Variants in CEMIP observed in about 807,000 individuals in gnomAD.
CEMIP encodes the protein cell migration-inducing and hyaluronan-binding protein.
In CEMIP, 105 loss-of-function variants were observed where a neutral mutation model predicts 156.9. The ratio of observed to expected loss-of-function variants is 0.67; its 90% CI spans 0.57 to 0.79. CEMIP has a LOEUF of 0.79. Among genes scored for constraint, CEMIP ranks in the 30% least tolerant of loss-of-function variants. The pLI is 0.00. For synonymous variants in CEMIP, 676 were observed against 668.4 expected, an observed-to-expected ratio of 1.01 and a Z score of -0.17; for missense variants, 1,457 against 1,769.4, an observed-to-expected ratio of 0.82 and a Z score of 3.17.
intron 25 of CEMIP, chr15:80,938,193 T>C (rs1901207314): frequency 5.5e-6 from 3 of 544,102 alleles, no homozygotes; most frequent in African/African-American, 3.8e-5. Flanking sequence ...CTATTAAATA[T>C]ACATGTGAAT....
chr15:80,900,144 T>C (rs1899412869), intron 12 of CEMIP, among the ~76,000 whole-genome samples: 1 of 152,200 alleles, frequency 6.6e-6, no homozygotes, highest in Admixed American at 6.5e-5. Context: ...GAGCAGGTCC[T>C]GACAAGGCAG....
At chr15:80,871,101 GGC>G (rs1212523866) in intron 1 of CEMIP, among the ~76,000 whole-genome samples, 2 of 152,200 alleles carry the variant, frequency 1.3e-5, no homozygotes, top group Admixed American at 6.5e-5. Flanking sequence ...AGCTTTTAAT[GGC>G]CAATGGAGAA....
intron 14 of CEMIP, among the ~76,000 whole-genome samples, chr15:80,911,204 G>A (rs935509212): frequency 1.4e-4 from 21 of 152,194 alleles, no homozygotes; most frequent in Non-Finnish European, 1.0e-4. Context: ...GCAGGTCTCA[G>A]GTCTGTCCTG....
intron 4 of CEMIP, among the ~76,000 whole-genome samples, chr15:80,879,225 C>G (rs1282987155): frequency 6.6e-6 from 1 of 152,188 alleles, no homozygotes; most frequent in Non-Finnish European, 1.5e-5. Context: ...AAAGTAATTA[C>G]AGCCAGCCAT....
intron 1 of CEMIP, among the ~76,000 whole-genome samples, chr15:80,830,621 GT>G (rs1203402099): frequency 2.0e-5 from 3 of 151,932 alleles, no homozygotes; most frequent in Non-Finnish European, 2.9e-5. Context: ...TTGTGTTTTT[GT>G]TTTTTTTAAG....
chr15:80,834,844 A>G (rs971060904), intron 1 of CEMIP, among the ~76,000 whole-genome samples: 6 of 151,738 alleles, frequency 4.0e-5, no homozygotes, highest in Non-Finnish European at 5.9e-5. Flanking sequence ...ATCAGTTTGG[A>G]AAAAAAACCA....
intron 23 of CEMIP, among the ~76,000 whole-genome samples, chr15:80,935,808 G>A (rs1901099305): frequency 6.6e-6 from 1 of 152,036 alleles, no homozygotes; most frequent in East Asian, 1.9e-4. Context: ...GCGTGATCTC[G>A]GCTCACTGCA....
At chr15:80,877,447 T>C (rs561815295) in intron 3 of CEMIP, among the ~76,000 whole-genome samples, 3 of 152,276 alleles carry the variant, frequency 2.0e-5, no homozygotes, top group African/African-American at 7.2e-5. Context: ...TCCCACCTCC[T>C]CACCCCCAAC....
At chr15:80,850,135 G>A (rs1897678103) in intron 1 of CEMIP, among the ~76,000 whole-genome samples, 1 of 152,196 alleles carries the variant, frequency 6.6e-6, no homozygotes, top group Non-Finnish European at 1.5e-5. Flanking sequence ...GCAGGTAAAT[G>A]TCAGGGTCAG....
chr15:80,894,270 G>A (rs552000271), intron 10 of CEMIP, among the ~76,000 whole-genome samples: 103 of 152,342 alleles, frequency 6.8e-4, no homozygotes, highest in African/African-American at 2.5e-3. Flanking sequence ...GTGTTGTGAT[G>A]TAGTTACATA....
rs1278409336 is a variant in CEMIP at position 80,931,969 on chromosome 15, T to A, written c.2723T>A (p.Phe908Tyr). The stretch of plus-strand genomic sequence containing the variant: ...GGCCGGCACACCAGCGCCCTGGCCT[T>A]CCGCCTGAATAATGCCTGGCAGAGC... The part of the protein sequence containing the change: ...LEGRHTSALA[F>Y]RLNNAWQSCP... Residue 908 changes from phenylalanine (F) to tyrosine (Y), a missense_variant, in exon 22 of 30, where the codon TTC (phenylalanine) becomes TAC (tyrosine). By Grantham distance (22) the Phe-to-Tyr change is conservative. Coordinates refer to ENST00000394685, the MANE Select transcript of CEMIP (RefSeq NM_001293298.2). The A allele has an allele frequency of 6.2e-7, 1 of 1,614,234 alleles. No individual in the cohort carries two copies.
intron 1 of CEMIP, among the ~76,000 whole-genome samples, chr15:80,855,561 G>A (rs1897832527): frequency 6.6e-6 from 1 of 151,524 alleles, no homozygotes; most frequent in South Asian, 2.1e-4. Context: ...AGGCTGGAGT[G>A]CAGTGGCACG....
At chr15:80,882,932 G>A (rs986842609) in intron 6 of CEMIP, among the ~76,000 whole-genome samples, 1 of 152,124 alleles carries the variant, frequency 6.6e-6, no homozygotes, top group African/African-American at 2.4e-5. Flanking sequence ...GGGCGGGTGA[G>A]GTGGTCACTG....
chr15:80,833,476 C>T (rs1708019220), intron 1 of CEMIP, among the ~76,000 whole-genome samples: 2 of 152,060 alleles, frequency 1.3e-5, no homozygotes, highest in Admixed American at 6.5e-5. Context: ...AAATTTTTTT[C>T]CTCCAAAGGA....
At chr15:80,858,500 G>C (rs548853415) in intron 1 of CEMIP, among the ~76,000 whole-genome samples, 1 of 151,720 alleles carries the variant, frequency 6.6e-6, no homozygotes. Flanking sequence ...GATCACCTGA[G>C]GTCAGGAGTT....
intron 1 of CEMIP, among the ~76,000 whole-genome samples, chr15:80,834,061 C>A (rs1897216485): frequency 6.6e-6 from 1 of 152,178 alleles, no homozygotes; most frequent in Non-Finnish European, 1.5e-5. Flanking sequence ...CACCCTTGGC[C>A]TTCATCCACT....
intron 19 of CEMIP, among the ~76,000 whole-genome samples, chr15:80,926,531 G>C (rs1160202530): frequency 1.3e-5 from 2 of 152,140 alleles, no homozygotes. Context: ...TGAAATGCGA[G>C]GAGAAAAGCA....
chr15:80,894,913 T>C, intron 10 of CEMIP, 77 bp from the exon 11 acceptor site: 1 of 1,568,988 alleles, frequency 6.4e-7, no homozygotes, highest in Non-Finnish European at 8.8e-7. Context: ...TGAGTATATG[T>C]TTAGAACATT....
At chr15:80,900,099 G>A (rs1899410528) in intron 12 of CEMIP, among the ~76,000 whole-genome samples, 1 of 152,178 alleles carries the variant, frequency 6.6e-6, no homozygotes, top group Admixed American at 6.5e-5. Context: ...CCCCAGGGTG[G>A]GTCACCCCAA....
Sources: gnomAD v4.1 joint callset for allele counts (sites outside exome capture counted in the v4.1 genomes callset) on GRCh38, gnomAD v4.1.1 for gene constraint, MANE v1.5 for transcripts, NCBI Gene and HGNC (gene_info 2026-07-23, HGNC 2026-07-21) for gene names.